MACROD2: variants seen among roughly 807,000 people sequenced by gnomAD.
MACROD2 encodes the protein ADP-ribose glycohydrolase MACROD2.
A neutral mutation model predicts 70.4 loss-of-function variants in MACROD2; 36 were observed. The observed-to-expected ratio is 0.51, with a 90% CI of 0.39 to 0.68. The LOEUF is 0.68. MACROD2 is among the 30% of genes least tolerant of loss of function. MACROD2 has a pLI of 0.00. For synonymous variants in MACROD2, 172 were observed against 178.8 expected, an observed-to-expected ratio of 0.96 and a Z score of 0.30; for missense variants, 496 against 538.4, an observed-to-expected ratio of 0.92 and a Z score of 0.78.
intron 8 of MACROD2, among the ~76,000 whole-genome samples, chr20:15,661,629 A>T (rs2049823444): frequency 6.6e-6 from 1 of 152,150 alleles, no homozygotes; most frequent in Admixed American, 6.5e-5. Flanking sequence ...TTCAATATGA[A>T]CTTTACTGGG....
At chr20:14,358,714 C>G (rs1283925555) in intron 3 of MACROD2, among the ~76,000 whole-genome samples, 1 of 152,076 alleles carries the variant, frequency 6.6e-6, no homozygotes, top group Non-Finnish European at 1.5e-5. Flanking sequence ...CCTCGACCTC[C>G]CAAAGTGCTG....
intron 8 of MACROD2, among the ~76,000 whole-genome samples, 185 bp from the exon 9 acceptor site, chr20:15,862,560 G>GCACACA (rs112613975): frequency 6.7e-6 from 1 of 149,426 alleles, no homozygotes; most frequent in African/African-American, 2.5e-5. Context: ...GTACACACAC[G>GCACACA]CACACACACA....
At chr20:14,323,379 G>A (rs1045557679) in intron 3 of MACROD2, 1 of 152,122 alleles carries the variant, frequency 6.6e-6, no homozygotes, top group African/African-American at 2.4e-5. Context: ...GGTCTAGGTG[G>A]GCACAGAGCT....
At chr20:15,638,513 C>T (rs1203926055) in intron 8 of MACROD2, among the ~76,000 whole-genome samples, 1 of 152,192 alleles carries the variant, frequency 6.6e-6, no homozygotes, top group African/African-American at 2.4e-5. Flanking sequence ...AGTCATTAGA[C>T]AAGACCAATA....
At chr20:14,042,973 C>A (rs542200571) in intron 2 of MACROD2, among the ~76,000 whole-genome samples, 4 of 151,550 alleles carry the variant, frequency 2.6e-5, no homozygotes, top group Non-Finnish European at 4.4e-5. Context: ...GGCTGGAGTG[C>A]AGTGGTGTGA....
chr20:15,309,843 T>C (rs1049953763), intron 6 of MACROD2, among the ~76,000 whole-genome samples: 91 of 152,274 alleles, frequency 6.0e-4, no homozygotes, highest in Middle Eastern at 3.4e-3. Context: ...CAAGAGGAGT[T>C]CCTCAGAATA....
chr20:14,104,710 G>C (rs1367838487), intron 3 of MACROD2, among the ~76,000 whole-genome samples: 1 of 152,180 alleles, frequency 6.6e-6, no homozygotes, highest in African/African-American at 2.4e-5. Context: ...TTCTCCCTTT[G>C]CATCCCCAGC....
Position 15,431,269 on chromosome 20 carries a change from C to G in MACROD2, c.541-136C>G, listed in dbSNP as rs2046360575. 4 of 694,180 alleles carry G rather than the reference C, an allele frequency of 5.8e-6. No individual in the cohort carries two copies. In the Admixed American group the frequency reaches 9.8e-5, roughly 17 times the overall value. 43.0% of individuals were successfully genotyped at this position (694,180 alleles called of 1,614,324 possible). ...AATCAAATATCCCCATTTCCAGTGT[C>G]CCCTACTCCAACTCATAGCTCTGAA... On this transcript the variant is annotated intron_variant, in intron 6 of 17. Coordinates refer to ENST00000684519, the MANE Select transcript of MACROD2 (RefSeq NM_001351661.2).
chr20:15,424,818 CTT>C (rs2046276488), intron 6 of MACROD2, among the ~76,000 whole-genome samples: 1 of 152,168 alleles, frequency 6.6e-6, no homozygotes. Context: ...TAGGATAACT[CTT>C]ATATTTGAGG....
intron 5 of MACROD2, among the ~76,000 whole-genome samples, chr20:15,229,099 G>A (rs2076937318): frequency 6.6e-6 from 1 of 152,076 alleles, no homozygotes; most frequent in Non-Finnish European, 1.5e-5. Flanking sequence ...AAAACGTGGG[G>A]TTTTTCTTCT....
intron 3 of MACROD2, among the ~76,000 whole-genome samples, chr20:14,429,787 T>G (rs959242064): frequency 6.6e-6 from 1 of 152,130 alleles, no homozygotes; most frequent in Admixed American, 6.5e-5. Flanking sequence ...AGACAGTGGC[T>G]GATGGGAAAG....
chr20:14,934,900 T>A (rs2074327435), intron 5 of MACROD2: 1 of 152,110 alleles, frequency 6.6e-6, no homozygotes, highest in Admixed American at 6.5e-5. Flanking sequence ...AAGACAGACC[T>A]CCAATAGAGA....
intron 15 of MACROD2, among the ~76,000 whole-genome samples, chr20:16,025,767 C>A (rs553342522): frequency 6.6e-6 from 1 of 152,264 alleles, no homozygotes; most frequent in East Asian, 1.9e-4. Context: ...CTAAACCATG[C>A]CATAATGCAT....
chr20:14,729,036 C>T (rs2071562435), intron 5 of MACROD2, among the ~76,000 whole-genome samples: 1 of 151,972 alleles, frequency 6.6e-6, no homozygotes, highest in Admixed American at 6.6e-5. Context: ...TTTTTGTCTC[C>T]TTAGGATTTT....
chr20:15,402,594 A>G (rs1381182262), intron 6 of MACROD2, among the ~76,000 whole-genome samples: 4 of 152,226 alleles, frequency 2.6e-5, no homozygotes, highest in Non-Finnish European at 4.4e-5. Flanking sequence ...AAAAGAGTGA[A>G]TATGTGAGCC....
At chr20:15,123,246 A>C (rs1380304114) in intron 5 of MACROD2, among the ~76,000 whole-genome samples, 2 of 152,188 alleles carry the variant, frequency 1.3e-5, no homozygotes, top group African/African-American at 4.8e-5. Context: ...TCTTGGGGAC[A>C]TGGAAAGCTG....
At chr20:14,335,348 T>C (rs1050939307) in intron 3 of MACROD2, among the ~76,000 whole-genome samples, 3 of 152,218 alleles carry the variant, frequency 2.0e-5, no homozygotes, top group African/African-American at 7.2e-5. Context: ...AATTAATAGC[T>C]TGCTAACAAA....
chr20:15,944,892 G>A (rs1262444846), intron 12 of MACROD2, among the ~76,000 whole-genome samples: 1 of 152,086 alleles, frequency 6.6e-6, no homozygotes, highest in Admixed American at 6.5e-5. Flanking sequence ...ACAGCTTTAT[G>A]TGAAACGTAT....
intron 15 of MACROD2, among the ~76,000 whole-genome samples, chr20:16,031,129 G>T (rs1387061036): frequency 6.6e-6 from 1 of 151,940 alleles, no homozygotes. Context: ...ACAGGGAAGG[G>T]TTAATTTTCT....
Sources: allele counts gnomAD v4.1 joint callset (sites outside exome capture counted in the v4.1 genomes callset), GRCh38; gene constraint gnomAD v4.1.1; transcripts MANE v1.5; gene names NCBI Gene and HGNC (gene_info 2026-07-23, HGNC 2026-07-21).